TAFA4: variants seen among roughly 807,000 people sequenced by gnomAD.
TAFA4 encodes the protein TAFA chemokine like family member 4, also known as chemokine-like protein TAFA-4.
TAFA4 carries 20 observed loss-of-function variants against 21.1 expected under a neutral mutation model. The observed-to-expected ratio is 0.95, with a 90% confidence interval of 0.67 to 1.38. TAFA4 has a LOEUF of 1.38. TAFA4 is among the 40% of genes most tolerant of loss of function. The probability of loss-of-function intolerance (pLI) is 0.00; values close to 1 mark genes in which losing one functional copy is unlikely to be tolerated. For missense variants in TAFA4, 211 were observed against 180.9 expected (o/e 1.17, Z -0.95); for synonymous variants, 71 against 67.4 (o/e 1.05, Z -0.26).
intron 3 of TAFA4, among the ~76,000 whole-genome samples, chr3:68,877,814 G>A (rs1478023589): frequency 2.6e-5 from 4 of 152,116 alleles, no homozygotes; most frequent in South Asian, 2.1e-4. Flanking sequence ...CCTGGAATGC[G>A]AACCTTTCCA....
At position 68,807,375 on chromosome 3, in the gene TAFA4, C is replaced by T. The variant is rs187869648; in HGVS notation, c.131-54357G>A. On this transcript the variant is annotated intron_variant, in intron 3 of 5. Transcript: ENST00000295569. ...AGGCATAGGCAAGCTGATATTACCACGCAGCGGAAGCAATGATGAAGAACA... is the reference window on the plus strand; with the variant it reads ...AGGCATAGGCAAGCTGATATTACCATGCAGCGGAAGCAATGATGAAGAACA... Among the ~76,000 whole-genome samples, 476 of 152,302 alleles carry T rather than the reference C, an allele frequency of 3.1e-3. 2 individuals are homozygous for T. Among genetic ancestry groups the T allele is most frequent in the African/African-American group, 0.011 (459 of 41,572 alleles).
intron 3 of TAFA4, among the ~76,000 whole-genome samples, chr3:68,792,679 T>A (rs1389221178): frequency 6.6e-6 from 1 of 152,218 alleles, no homozygotes; most frequent in East Asian, 1.9e-4. Context: ...AAATCTTCTG[T>A]GTTCCCAAAT....
intron 3 of TAFA4, among the ~76,000 whole-genome samples, chr3:68,836,750 T>G (rs1476030471): frequency 6.7e-6 from 1 of 150,284 alleles, no homozygotes; most frequent in Non-Finnish European, 1.5e-5. Context: ...GAACCCACTT[T>G]GTATAGCGAG....
At chr3:68,774,337 A>G (rs903887150) in intron 3 of TAFA4, among the ~76,000 whole-genome samples, 6 of 152,210 alleles carry the variant, frequency 3.9e-5, no homozygotes, top group African/African-American at 1.4e-4. Flanking sequence ...ACTACATTTT[A>G]TTGACTATTT....
At chr3:68,854,571 G>A (rs1705024359) in intron 3 of TAFA4, among the ~76,000 whole-genome samples, 1 of 152,068 alleles carries the variant, frequency 6.6e-6, no homozygotes, top group Non-Finnish European at 1.5e-5. Flanking sequence ...ATGTCATACA[G>A]TTCCACAGAA....
At chr3:68,758,825 C>A (rs775371520) in intron 3 of TAFA4, among the ~76,000 whole-genome samples, 1 of 152,060 alleles carries the variant, frequency 6.6e-6, no homozygotes, top group Non-Finnish European at 1.5e-5. Context: ...TTCAGCAGCT[C>A]GTGTTATAAC....
intron 1 of TAFA4, among the ~76,000 whole-genome samples, chr3:68,889,822 G>T (rs1261475979): frequency 6.6e-6 from 1 of 152,036 alleles, no homozygotes; most frequent in Non-Finnish European, 1.5e-5. Context: ...TCAAATAAAG[G>T]CAAGAAACAT....
intron 3 of TAFA4, among the ~76,000 whole-genome samples, chr3:68,809,870 C>A (rs1703794405): frequency 6.6e-6 from 1 of 152,138 alleles, no homozygotes; most frequent in African/African-American, 2.4e-5. Flanking sequence ...AATCATTGGT[C>A]CGTAAATGTG....
chr3:68,848,661 T>G (rs1674854834), intron 3 of TAFA4, among the ~76,000 whole-genome samples: 1 of 152,188 alleles, frequency 6.6e-6, no homozygotes, highest in Non-Finnish European at 1.5e-5. Context: ...CCATGCCCTT[T>G]TAACTTTCCC....
intron 3 of TAFA4, among the ~76,000 whole-genome samples, chr3:68,799,903 C>T (rs1265491823): frequency 6.6e-6 from 1 of 152,028 alleles, no homozygotes; most frequent in Non-Finnish European, 1.5e-5. Flanking sequence ...GCCTGAGCTC[C>T]GCCTCCTGTC....
At chr3:68,900,567 A>G (rs1050277643) in intron 1 of TAFA4, among the ~76,000 whole-genome samples, 2 of 151,758 alleles carry the variant, frequency 1.3e-5, no homozygotes, top group Non-Finnish European at 2.9e-5. Context: ...TAAAATCCCA[A>G]ATTTTAGTCT....
At chr3:68,773,086 G>A (rs530026600) in intron 3 of TAFA4, among the ~76,000 whole-genome samples, 8 of 151,998 alleles carry the variant, frequency 5.3e-5, no homozygotes, top group African/African-American at 1.2e-4. Flanking sequence ...CCTATAATAG[G>A]GAATATTATA....
intron 4 of TAFA4, among the ~76,000 whole-genome samples, chr3:68,748,917 A>T (rs1168086506): frequency 6.6e-6 from 1 of 152,230 alleles, no homozygotes; most frequent in African/African-American, 2.4e-5. Context: ...GTCTCATTTT[A>T]TCATAAAACC....
At chr3:68,918,774 C>T (rs897633587) in intron 1 of TAFA4, among the ~76,000 whole-genome samples, 7 of 152,174 alleles carry the variant, frequency 4.6e-5, no homozygotes, top group African/African-American at 1.7e-4. Context: ...CTTCTGGGCT[C>T]AAGAAATCTG....
chr3:68,873,653 A>G (rs755012560), intron 3 of TAFA4, among the ~76,000 whole-genome samples: 20 of 152,122 alleles, frequency 1.3e-4, no homozygotes, highest in Non-Finnish European at 2.2e-4. Context: ...GAAAACAGCA[A>G]CATGTTCACA....
At chr3:68,754,037 G>A (rs1048630573) in intron 3 of TAFA4, among the ~76,000 whole-genome samples, 1 of 152,216 alleles carries the variant, frequency 6.6e-6, no homozygotes, top group African/African-American at 2.4e-5. Context: ...AGGTTCACCA[G>A]TTAATATGTG....
chr3:68,841,714 A>C (rs568834778), intron 3 of TAFA4, among the ~76,000 whole-genome samples: 3 of 150,364 alleles, frequency 2.0e-5, no homozygotes, highest in African/African-American at 4.9e-5. Context: ...ACCCCCTGAC[A>C]GGCCCTTGTG....
intron 3 of TAFA4, among the ~76,000 whole-genome samples, chr3:68,870,249 A>C (rs1304808442): frequency 6.6e-6 from 1 of 152,122 alleles, no homozygotes; most frequent in Non-Finnish European, 1.5e-5. Flanking sequence ...TAGAAGAATT[A>C]ATATTGTTAA....
intron 1 of TAFA4, among the ~76,000 whole-genome samples, chr3:68,910,731 G>T (rs913309555): frequency 2.6e-5 from 4 of 152,174 alleles, no homozygotes; most frequent in African/African-American, 9.7e-5. Context: ...GAATTGTTCT[G>T]CAGGGTTGTA....
Sources: allele counts gnomAD v4.1 joint callset (sites outside exome capture counted in the v4.1 genomes callset), GRCh38; gene constraint gnomAD v4.1.1; transcripts MANE v1.5; gene names NCBI Gene and HGNC (gene_info 2026-07-23, HGNC 2026-07-21).